The following DLC1 variants were observed in gnomAD, a reference collection of about 807,000 sequenced individuals.
DLC1 encodes DLC1 Rho GTPase activating protein.
A neutral mutation model predicts 140.3 loss-of-function variants in DLC1; 54 were observed. The ratio of observed to expected loss-of-function variants is 0.38; its 90% CI spans 0.31 to 0.48. The LOEUF (loss-of-function observed/expected upper bound fraction) is 0.48. DLC1 is among the 20% of genes least tolerant of loss of function. DLC1 has a pLI of 0.96. For synonymous variants in DLC1, 986 were observed against 728.1 expected (o/e 1.35, Z -5.70); for missense variants, 2,536 against 1,907.0 (o/e 1.33, Z -6.14).
At chr8:13,136,802 TG>T (rs1822593826) in intron 5 of DLC1, among the ~76,000 whole-genome samples, 1 of 152,184 alleles carries the variant, frequency 6.6e-6, no homozygotes, top group African/African-American at 2.4e-5. Context: ...CCCAAAGTGT[TG>T]GGATTACAGG....
chr8:13,258,317 C>T (rs1479187139), intron 5 of DLC1, among the ~76,000 whole-genome samples: 1 of 152,104 alleles, frequency 6.6e-6, no homozygotes. Flanking sequence ...AGTAATAGAT[C>T]AACAGAATAC....
intron 4 of DLC1, among the ~76,000 whole-genome samples, chr8:13,386,918 C>T (rs1256259415): frequency 2.0e-5 from 3 of 152,004 alleles, no homozygotes; most frequent in East Asian, 1.9e-4. Flanking sequence ...CTTTAAAAAT[C>T]CACATACTTT....
intron 5 of DLC1, among the ~76,000 whole-genome samples, chr8:13,193,439 A>G (rs1378795929): frequency 6.6e-6 from 1 of 152,172 alleles, no homozygotes; most frequent in Non-Finnish European, 1.5e-5. Context: ...GTAGGAATCC[A>G]CCACACCTCT....
intron 2 of DLC1, among the ~76,000 whole-genome samples, chr8:13,459,273 G>A (rs905100426): frequency 1.3e-5 from 2 of 151,912 alleles, no homozygotes; most frequent in African/African-American, 4.8e-5. Context: ...TTCATTCTGT[G>A]TCTTTTTTCT....
intron 5 of DLC1, among the ~76,000 whole-genome samples, chr8:13,178,132 A>C (rs957487086): frequency 1.3e-5 from 2 of 152,238 alleles, no homozygotes; most frequent in African/African-American, 4.8e-5. Context: ...AAAAAAATCA[A>C]TTCAATGAAT....
At chr8:13,484,151 G>A (rs930966483) in intron 2 of DLC1, among the ~76,000 whole-genome samples, 2 of 152,118 alleles carry the variant, frequency 1.3e-5, no homozygotes, top group Admixed American at 1.3e-4. Context: ...ATTGGAAGGG[G>A]TTAGGACCAA....
At chr8:13,129,414 G>A (rs1202379359) in intron 5 of DLC1, among the ~76,000 whole-genome samples, 1 of 152,220 alleles carries the variant, frequency 6.6e-6, no homozygotes, top group East Asian at 1.9e-4. Flanking sequence ...TTGGGCATTA[G>A]TTCACCCAGA....
At chr8:13,131,387 C>T (rs549689120) in intron 5 of DLC1, among the ~76,000 whole-genome samples, 1 of 152,326 alleles carries the variant, frequency 6.6e-6, no homozygotes, top group South Asian at 2.1e-4. Flanking sequence ...TCTGCCTTCT[C>T]CCGAGCTGCA....
chr8:13,418,994 C>G (rs2117335175), intron 2 of DLC1, among the ~76,000 whole-genome samples: 1 of 150,994 alleles, frequency 6.6e-6, no homozygotes, highest in South Asian at 2.1e-4. Flanking sequence ...TGGGAGTTCA[C>G]TCATGATTTG....
At chr8:13,511,697 C>CT (rs1422721986) in intron 1 of DLC1, among the ~76,000 whole-genome samples, 2 of 152,078 alleles carry the variant, frequency 1.3e-5, no homozygotes, top group African/African-American at 4.8e-5. Flanking sequence ...TCAGTGTTCC[C>CT]TTGTCCTCTT....
At chr8:13,476,162 G>T (rs1800424924) in intron 2 of DLC1, among the ~76,000 whole-genome samples, 2 of 152,108 alleles carry the variant, frequency 1.3e-5, no homozygotes, top group Non-Finnish European at 2.9e-5. Flanking sequence ...AATAAGAAGT[G>T]CTTATAATAC....
rs1836883681 is a variant in DLC1, at chr8:13,393,779, T to C, written c.1174-86A>G. 8 of 1,495,948 alleles carry C rather than the reference T, an allele frequency of 5.3e-6. No homozygotes were observed. In the East Asian group the frequency reaches 1.8e-4, roughly 34 times the overall value. 92.7% of individuals were successfully genotyped at this position (1,495,948 alleles called of 1,614,324 possible). On this transcript the variant is annotated intron_variant, in intron 3 of 17. Transcript: ENST00000276297. ...CCTACCACCAGAACTTTGTCACTTC[T>C]TCTTTCTCCCAGTGCACACTGATAC...
intron 5 of DLC1, among the ~76,000 whole-genome samples, chr8:13,143,850 G>T (rs112839930): frequency 8.1e-5 from 12 of 147,752 alleles, no homozygotes; most frequent in Non-Finnish European, 3.0e-5. Context: ...GAGAGAGAGA[G>T]AGACATAGAC....
chr8:13,301,501 G>C (rs959457622), intron 5 of DLC1, among the ~76,000 whole-genome samples: 3 of 152,190 alleles, frequency 2.0e-5, no homozygotes, highest in African/African-American at 7.2e-5. Flanking sequence ...TTTGTACCAA[G>C]CATTGTTGCC....
At chr8:13,557,645 A>C (rs997550812) in intron 1 of DLC1, 1 of 152,122 alleles carries the variant, frequency 6.6e-6, no homozygotes, top group Non-Finnish European at 1.5e-5. Context: ...TCCTCCTGTC[A>C]CCTTGTGAAG....
chr8:13,489,472 A>G (rs185462435), intron 2 of DLC1, among the ~76,000 whole-genome samples: 2 of 149,680 alleles, frequency 1.3e-5, no homozygotes, highest in Admixed American at 1.3e-4. Flanking sequence ...TATTAAGAAT[A>G]GCTGAAGTCA....
chr8:13,313,829 G>T (rs117499881), intron 4 of DLC1, among the ~76,000 whole-genome samples: 1 of 151,916 alleles, frequency 6.6e-6, no homozygotes, highest in Non-Finnish European at 1.5e-5. Context: ...ATAAAGCTCA[G>T]TGTGGAGGAT....
intron 1 of DLC1, among the ~76,000 whole-genome samples, chr8:13,591,211 C>A (rs1051287202): frequency 6.6e-6 from 1 of 151,992 alleles, no homozygotes; most frequent in Non-Finnish European, 1.5e-5. Flanking sequence ...GATTATCACA[C>A]TCATTTTTTA....
Position 13,205,456 on chromosome 8 carries a change from G to A in DLC1, c.1349-89799C>T, listed in dbSNP as rs80307170. Among the ~76,000 whole-genome samples, 385 of 152,276 alleles carry A rather than the reference G, an allele frequency of 2.5e-3. 1 individual carries two copies. Among genetic ancestry groups the A allele is most frequent in the African/African-American group, 8.4e-3 (351 of 41,560 alleles). ...GAGATTGTGGTTCCGCGGCATAAAT[G>A]AGTTGGCCAAGTCTCTCTCAATCAT... On this transcript the variant is annotated intron_variant, in intron 5 of 17. Coordinates refer to ENST00000276297, the MANE Select transcript of DLC1 (RefSeq NM_182643.3).
Sources: allele counts gnomAD v4.1 joint callset (sites outside exome capture counted in the v4.1 genomes callset), GRCh38; gene constraint gnomAD v4.1.1; transcripts MANE v1.5; gene names NCBI Gene and HGNC (gene_info 2026-07-23, HGNC 2026-07-21).